The following KRT28 variants were observed in gnomAD, a reference collection of about 807,000 sequenced individuals.
The protein encoded by KRT28 is keratin, type I cytoskeletal 28.
Under a neutral mutation model 48.1 loss-of-function variants are expected in KRT28, and 45 were observed. That is an observed-to-expected ratio of 0.94 (90% CI 0.74 to 1.20). The LOEUF (loss-of-function observed/expected upper bound fraction) is 1.20, where lower values mean the gene tolerates loss of function less well. Ranked by LOEUF, KRT28 falls within the 50% of genes most tolerant of loss-of-function variation. The pLI is 0.00. For synonymous variants in KRT28, 228 were observed against 227.4 expected, an observed-to-expected ratio of 1.00 and a Z score of -0.03; for missense variants, 571 against 574.1, an observed-to-expected ratio of 0.99 and a Z score of 0.06.
rs1567688815 is a variant in KRT28, at chr17:40,793,227, GT to G, written c.1197-18del. On this transcript the variant is annotated intron_variant, in intron 6 of 7. Transcript: ENST00000306658. ...GAGCATGAACTGTAAAAGAAATATA[GT>G]TTATTCTTTTATATTTCTGCTTACT... 1 of 1,467,960 alleles carries G rather than the reference GT, an allele frequency of 6.8e-7. No homozygotes were observed. The highest frequency in any genetic ancestry group is 9.1e-7 in the Non-Finnish European group (1 of 1,093,546). 90.9% of individuals were successfully genotyped at this position (1,467,960 alleles called of 1,614,324 possible).
chr17:40,792,979 A>T (rs1469430844), intron 7 of KRT28, among the ~76,000 whole-genome samples, 176 bp downstream of exon 7: 1 of 152,156 alleles, frequency 6.6e-6, no homozygotes, highest in Non-Finnish European at 1.5e-5. Context: ...GGGTGCCTGT[A>T]ATCCCAGCTA....
At chr17:40,793,339 G>A (rs910674372) in intron 6 of KRT28, 129 bp from the exon 7 acceptor site, 10 of 541,576 alleles carry the variant, frequency 1.8e-5, no homozygotes, top group Non-Finnish European at 1.6e-5. Flanking sequence ...AAACTCTTAA[G>A]ATTTTTATGT....
At chr17:40,795,418 A>G (rs1452459032) in intron 5 of KRT28, among the ~76,000 whole-genome samples, 1 of 152,178 alleles carries the variant, frequency 6.6e-6, no homozygotes, top group Non-Finnish European at 1.5e-5. Context: ...TCCACCGTGA[A>G]GGCTGGCTTG....
intron 1 of KRT28, 115 bp from the exon 2 acceptor site, chr17:40,799,114 G>T: frequency 1.5e-6 from 1 of 648,920 alleles, no homozygotes; most frequent in Non-Finnish European, 2.6e-6. Flanking sequence ...ACCTCCTTAT[G>T]TAATAATCAA....
Position 40,792,503 on chromosome 17 carries a change from GAAA to G in KRT28, c.1316_1318del (p.Leu439_Ser440delinsPro). 1 of 1,613,274 alleles carries G rather than the reference GAAA, an allele frequency of 6.2e-7. No individual in the cohort carries two copies. Among genetic ancestry groups the G allele is most frequent in the Non-Finnish European group, 8.5e-7 (1 of 1,179,490 alleles). On this transcript the variant is annotated inframe_deletion, in exon 8 of 8. Coordinates refer to ENST00000306658, the MANE Select transcript of KRT28 (RefSeq NM_181535.3). ...TTCTTCAATGGAGTGAATCCTTGAT[GAAA>G]GAACTTTACCACGTTGATCTAGCTC... is the stretch of plus-strand genomic sequence containing the variant.
Position 40,792,364 on chromosome 17 carries a change from T to C in KRT28, c.*63A>G. The C allele has an allele frequency of 7.5e-7, 1 of 1,340,888 alleles. No individual in the cohort carries two copies. The highest frequency in any genetic ancestry group is 1.0e-6 in the Non-Finnish European group (1 of 976,796). The allele number at this position is 1,340,888 out of a possible 1,614,324, so 83.1% of individuals were successfully genotyped here. On this transcript the variant is annotated 3_prime_UTR_variant, in exon 8 of 8. Coordinates refer to ENST00000306658, the MANE Select transcript of KRT28 (RefSeq NM_181535.3). ...TAAAAAGTGTGTATATTCTCTCTGA[T>C]ATTTAGAATAATGCAATTGTACAGG...
Position 40,799,764 on chromosome 17 carries a change from C to A in KRT28, c.130G>T (p.Glu44Ter). 2.5e-6 allele frequency: 4 copies of A among 1,614,096 alleles called. No individual in the cohort carries two copies. Among genetic ancestry groups the A allele is most frequent in the Non-Finnish European group, 3.4e-6 (4 of 1,180,018 alleles). ...CCCCCTCCCAAGGCACAGGAAAATT[C>A]ACTTCCAGCAACAGAGCCACCACAT... is the stretch of plus-strand genomic sequence containing the variant. ...SACGGSVAGS[E>*]FSCALGGGLG... The change falls in exon 1 of 8, where the codon GAA (glutamate) becomes TAA (stop). Residue 44 changes from glutamate (E) to a stop codon, truncating the protein, a stop_gained. Transcript: ENST00000306658. LOFTEE classifies it high-confidence loss of function.
At chr17:40,796,772 G>T in intron 5 of KRT28, 144 bp downstream of exon 5, 1 of 1,130,362 alleles carries the variant, frequency 8.8e-7, no homozygotes, top group Non-Finnish European at 1.2e-6. Context: ...CTATGCATCT[G>T]TTTTTTCCTG....
At position 40,796,180 on chromosome 17, in the gene KRT28, G is replaced by A. The variant is rs185032141; in HGVS notation, c.978+736C>T. 1.4e-3 allele frequency among the ~76,000 whole-genome samples: 206 copies of A among 152,294 alleles called. 1 individual carries two copies. The highest frequency in any genetic ancestry group is 4.3e-3 in the African/African-American group (180 of 41,556). Reference sequence around the variant, plus strand: ...ACAACCTGGTGTCCTCAGGAGGCACGAAACCTCTTATGGGGAAGGGAGTCC... The same window carrying A: ...ACAACCTGGTGTCCTCAGGAGGCACAAAACCTCTTATGGGGAAGGGAGTCC... On this transcript the variant is annotated intron_variant, in intron 5 of 7. Coordinates refer to ENST00000306658, the MANE Select transcript of KRT28 (RefSeq NM_181535.3).
rs192340212 is a variant in KRT28, at chr17:40,799,552, T to C, written c.342A>G (p.Leu114=). Residue 114 remains leucine, a synonymous_variant, in exon 1 of 8, where the codon TTA becomes TTG. Coordinates refer to ENST00000306658, the MANE Select transcript of KRT28 (RefSeq NM_181535.3). ...VRALEEANAE[L]ERKIKGWYEK... is the part of the protein sequence containing the mutation. ...CATACCAACCCTTGATTTTTCTCTCTAATTCAGCATTTGCCTCCTCCAGAG... is the reference window on the plus strand; with the variant it reads ...CATACCAACCCTTGATTTTTCTCTCCAATTCAGCATTTGCCTCCTCCAGAG... 82 of 1,614,236 alleles carry C rather than the reference T, an allele frequency of 5.1e-5. No homozygotes were observed. The East Asian group carries it at 1.1e-3, about 22-fold the overall frequency.
intron 5 of KRT28, among the ~76,000 whole-genome samples, chr17:40,796,347 A>C (rs1313369383): frequency 6.6e-6 from 1 of 152,238 alleles, no homozygotes. Flanking sequence ...GGTATGCCCA[A>C]GTGGCTGAAG....
At chr17:40,799,095 A>T (rs2143080224) in intron 1 of KRT28, 96 bp from the exon 2 acceptor site, 1 of 772,128 alleles carries the variant, frequency 1.3e-6, no homozygotes, top group African/African-American at 1.8e-5. Flanking sequence ...GTTTTTGCAT[A>T]AAAATTTCAC....
At chr17:40,793,763 T>C in intron 6 of KRT28, 66 bp downstream of exon 6, 1 of 1,488,216 alleles carries the variant, frequency 6.7e-7, no homozygotes, top group East Asian at 2.3e-5. Context: ...TATGGAAGGC[T>C]AATGGGCAGC....
At chr17:40,794,667 C>A (rs1406844218) in intron 5 of KRT28, among the ~76,000 whole-genome samples, 1 of 152,210 alleles carries the variant, frequency 6.6e-6, no homozygotes, top group Non-Finnish European at 1.5e-5. Flanking sequence ...GAATATCATA[C>A]TTCCTCTTTG....
rs769412668 is a variant in KRT28 at position 40,797,064 on chromosome 17, CA to C, written c.853-24del. On this transcript the variant is annotated intron_variant, in intron 4 of 7. Coordinates refer to ENST00000306658, the MANE Select transcript of KRT28 (RefSeq NM_181535.3). ...GCTCTGTAGGGCCGGGAAAAAGGGT[CA>C]CACGGAGTCCCCACCCCCGGGGAGG... is the stretch of plus-strand genomic sequence containing the variant. 406 of 1,610,000 alleles carry C rather than the reference CA, an allele frequency of 2.5e-4. 1 individual carries two copies. The highest frequency in any genetic ancestry group is 6.6e-4 in the Middle Eastern group (4 of 6,036).
At chr17:40,794,606 G>A in intron 5 of KRT28, among the ~76,000 whole-genome samples, 1 of 152,128 alleles carries the variant, frequency 6.6e-6, no homozygotes. Flanking sequence ...TTCAAGGCAA[G>A]AGCTATATCT....
rs558850034 is a variant in KRT28, at chr17:40,793,411, T to A, written c.1197-201A>T. On this transcript the variant is annotated intron_variant, in intron 6 of 7. Transcript: ENST00000306658. ...AGAATATAAATAAATCTTGTTTCCATTTGATTTTTTTTTTTACACCCAAGA... is the reference window on the plus strand; with the variant it reads ...AGAATATAAATAAATCTTGTTTCCAATTGATTTTTTTTTTTACACCCAAGA... Among the ~76,000 whole-genome samples the A allele has an allele frequency of 2.7e-5, 4 of 150,124 alleles. No homozygotes were observed. In the South Asian group the frequency reaches 8.3e-4, roughly 31 times the overall value.
chr17:40,796,664 T>C (rs1444992520), intron 5 of KRT28, among the ~76,000 whole-genome samples: 11 of 152,196 alleles, frequency 7.2e-5, no homozygotes, highest in East Asian at 1.9e-4. Flanking sequence ...AAAGGATCTA[T>C]GTGAAATGTC....
intron 5 of KRT28, 58 bp downstream of exon 5, chr17:40,796,858 T>C: frequency 6.6e-7 from 1 of 1,518,936 alleles, no homozygotes; most frequent in Non-Finnish European, 8.8e-7. Flanking sequence ...CAGAGGGAAG[T>C]GTTTCTCGGA....
Sources: allele counts gnomAD v4.1 joint callset (sites outside exome capture counted in the v4.1 genomes callset), GRCh38; gene constraint gnomAD v4.1.1; transcripts MANE v1.5; gene names NCBI Gene and HGNC (gene_info 2026-07-23, HGNC 2026-07-21).